Variants in PDCD11 observed in about 807,000 individuals in gnomAD.
PDCD11 encodes protein RRP5 homolog.
PDCD11 carries 97 observed loss-of-function variants against 198.9 expected under a neutral mutation model. That is an observed-to-expected ratio of 0.49 (90% CI 0.41 to 0.58). PDCD11 has a LOEUF of 0.58. PDCD11 is among the 20% of genes least tolerant of loss of function. The probability of loss-of-function intolerance (pLI) is 0.00; values close to 1 mark genes in which losing one functional copy is unlikely to be tolerated. For synonymous variants in PDCD11, 893 were observed against 918.0 expected, an observed-to-expected ratio of 0.97 and a Z score of 0.49; for missense variants, 2,102 against 2,312.7, an observed-to-expected ratio of 0.91 and a Z score of 1.87.
intron 34 of PDCD11, 173 bp from the exon 35 acceptor site, chr10:103,444,344 A>C: frequency 4.6e-6 from 3 of 657,782 alleles, no homozygotes; most frequent in Middle Eastern, 4.2e-4. Context: ...TGCAGTGCCC[A>C]TCTGTGTATT....
rs1395981163 is a variant in PDCD11 at position 103,429,863 on chromosome 10, G to C, written c.3369-2266G>C. Among the ~76,000 whole-genome samples the C allele has an allele frequency of 3.3e-5, 5 of 152,150 alleles. No individual in the cohort carries two copies. In the East Asian group the frequency reaches 9.6e-4, roughly 29 times the overall value. On this transcript the variant is annotated intron_variant, in intron 21 of 35. Transcript: ENST00000369797. ...CGTCTCAGTGAATTTGACTGTTCTA[G>C]GTACCTCACTCATATAAATGGAACA...
intron 19 of PDCD11, 67 bp downstream of exon 19, chr10:103,423,725 C>A: frequency 2.9e-6 from 3 of 1,047,974 alleles, no homozygotes; most frequent in Non-Finnish European, 4.4e-6. Context: ...CACTCCAGTT[C>A]AGGGATTCCA....
chr10:103,437,474 T>C (rs575370175), intron 25 of PDCD11, among the ~76,000 whole-genome samples: 3 of 150,688 alleles, frequency 2.0e-5, no homozygotes, highest in Non-Finnish European at 4.4e-5. Flanking sequence ...GAAGAGTAGG[T>C]AGTGTTATTT....
intron 30 of PDCD11, 41 bp downstream of exon 30, chr10:103,440,891 A>G (rs1350885570): frequency 1.4e-6 from 2 of 1,416,280 alleles, no homozygotes; most frequent in Non-Finnish European, 2.0e-6. Flanking sequence ...TGCTCCAGGC[A>G]AGGGAAGAGC....
chr10:103,428,450 A>ACT (rs10632602), intron 21 of PDCD11, among the ~76,000 whole-genome samples: 55,671 of 151,906 alleles, frequency 0.37, 10,593 homozygotes, highest in South Asian at 0.57. Context: ...CTATTTGTTA[A>ACT]CTGTGGTTTC....
chr10:103,407,823 A>G (rs968886412), intron 7 of PDCD11, among the ~76,000 whole-genome samples: 2 of 151,760 alleles, frequency 1.3e-5, no homozygotes, highest in Non-Finnish European at 2.9e-5. Context: ...GATTCAAGCG[A>G]TCCCCCTGCC....
At position 103,410,613 on chromosome 10, in the gene PDCD11, T is replaced by C. The variant is rs187459432; in HGVS notation, c.978+807T>C. Among the ~76,000 whole-genome samples the C allele has an allele frequency of 2.1e-4, 31 of 150,906 alleles. No individual in the cohort carries two copies. In the East Asian group the frequency reaches 5.5e-3, roughly 27 times the overall value. ...TTTCTTTTCTTTTCTTTTTTTTTTT[T>C]TTCTTTTTTTTTTAAGACAGTGTCT... is the stretch of plus-strand genomic sequence containing the variant. On this transcript the variant is annotated intron_variant, in intron 8 of 35. Transcript: ENST00000369797.
chr10:103,421,884 G>A (rs995739377), intron 17 of PDCD11, among the ~76,000 whole-genome samples: 11 of 149,150 alleles, frequency 7.4e-5, no homozygotes, highest in African/African-American at 2.5e-4. Context: ...GGAGAATGGC[G>A]TGAACCCGGG....
At position 103,421,601 on chromosome 10, in the gene PDCD11, G is replaced by A. The variant is rs1423111184; in HGVS notation, c.2497+34G>A. The A allele has an allele frequency of 2.7e-6, 4 of 1,461,378 alleles. No homozygotes were observed. The East Asian group carries it at 9.9e-5, about 36-fold the overall frequency. The allele number at this position is 1,461,378 out of a possible 1,614,324, so 90.5% of individuals were successfully genotyped here. ...CCTGTGGGGCAGGGGAGGTGGGCCA[G>A]GGGTGGGAGTATGTGTTGTAAATTA... On this transcript the variant is annotated intron_variant, in intron 17 of 35. Coordinates refer to ENST00000369797, the MANE Select transcript of PDCD11 (RefSeq NM_014976.2).
Position 103,420,818 on chromosome 10 carries a change from T to C in PDCD11, c.2278-530T>C, listed in dbSNP as rs1030861695. Among the ~76,000 whole-genome samples, 6 of 152,114 alleles carry C rather than the reference T, an allele frequency of 3.9e-5. No individual in the cohort carries two copies. In the East Asian group the frequency reaches 1.2e-3, roughly 29 times the overall value. On this transcript the variant is annotated intron_variant, in intron 16 of 35. Coordinates refer to ENST00000369797, the MANE Select transcript of PDCD11 (RefSeq NM_014976.2). ...CCTGGCTTGCTGTGAATGTGCCTTC[T>C]TGACTGGGTGCCCTCTCCTGGAGGC...
At position 103,421,528 on chromosome 10, in the gene PDCD11, G is replaced by A. The variant is rs768884885; in HGVS notation, c.2458G>A (p.Glu820Lys). Residue 820 changes from glutamate (E) to lysine (K), a missense_variant, in exon 17 of 36, where the codon GAG becomes AAG. Coordinates refer to ENST00000369797, the MANE Select transcript of PDCD11 (RefSeq NM_014976.2). ...TSLLLLNQCL[E>K]ELQGVRSLMS... The stretch of plus-strand genomic sequence containing the variant: ...CCTCCTCCTCCTGAATCAGTGCCTG[G>A]AGGAGCTGCAGGGCGTGCGCAGCCT... The A allele has an allele frequency of 1.4e-5, 22 of 1,577,644 alleles. No homozygotes were observed. The highest frequency in any genetic ancestry group is 1.8e-5 in the Non-Finnish European group (21 of 1,161,068).
Position 103,444,620 on chromosome 10 carries a change from C to G in PDCD11, c.5382C>G (p.Arg1794=), listed in dbSNP as rs747955298. ...ACACGCTGAGCACCTACCCAAAGCG[C>G]ACAGATGTCTGGTCGGTCTATATCG... The part of the protein sequence containing the change: ...FENTLSTYPK[R]TDVWSVYIDM... The change falls in exon 35 of 36, where the codon CGC becomes CGG. Residue 1794 remains arginine, a synonymous_variant. Transcript: ENST00000369797. The G allele has an allele frequency of 6.2e-7, 1 of 1,614,158 alleles. No homozygotes were observed. The highest frequency in any genetic ancestry group is 1.1e-5 in the South Asian group (1 of 91,078).
At position 103,440,733 on chromosome 10, in the gene PDCD11, G is replaced by A. The variant is rs1297875681; in HGVS notation, c.4441-1G>A. 1.2e-6 allele frequency: 2 copies of A among 1,614,050 alleles called. No individual in the cohort carries two copies. Among genetic ancestry groups the A allele is most frequent in the Non-Finnish European group, 1.7e-6 (2 of 1,180,028 alleles). Reference sequence around the variant, plus strand: ...AGGCATTCTCCCACCTGGCCTCTCAGGAAAGAGTGAGCAAGAAGCCAAAGA... The same window carrying A: ...AGGCATTCTCCCACCTGGCCTCTCAAGAAAGAGTGAGCAAGAAGCCAAAGA... On this transcript the variant is annotated splice_acceptor_variant, in intron 29 of 35. Transcript: ENST00000369797. LOFTEE classifies it high-confidence loss of function.
At chr10:103,414,952 G>C in intron 11 of PDCD11, 53 bp from the exon 12 acceptor site, 1 of 1,599,206 alleles carries the variant, frequency 6.3e-7, no homozygotes, top group Non-Finnish European at 8.6e-7. Flanking sequence ...TGTAAGAGGT[G>C]GGGGAAAGGC....
chr10:103,420,881 G>GT (rs567526972), intron 16 of PDCD11, among the ~76,000 whole-genome samples: 415 of 142,736 alleles, frequency 2.9e-3, no homozygotes, highest in South Asian at 0.013. Context: ...TTTTGTTTTT[G>GT]TTTTTTTTTT....
At chr10:103,431,038 G>A (rs551510124) in intron 21 of PDCD11, among the ~76,000 whole-genome samples, 1 of 151,986 alleles carries the variant, frequency 6.6e-6, no homozygotes, top group East Asian at 1.9e-4. Flanking sequence ...GACCTTAGGT[G>A]ATCCACCCGC....
chr10:103,425,719 G>A (rs146848476), intron 20 of PDCD11, among the ~76,000 whole-genome samples, 194 bp downstream of exon 20: 6,151 of 151,350 alleles, frequency 0.041, 184 homozygotes, highest in Non-Finnish European at 0.057. Context: ...TCACTCTGTT[G>A]CCCAGGCTGA....
chr10:103,418,551 A>G lies in PDCD11; in HGVS notation c.2023A>G (p.Asn675Asp), dbSNP rs781322150. ...ATCTCATCTGTCGGACCACGTTGCC[A>G]ACGGCCCATTGTTACATCATTGGCT... ...PTSHLSDHVA[N>D]GPLLHHWLQA... The change falls in exon 15 of 36, where the codon AAC becomes GAC. Residue 675 changes from asparagine (N) to aspartate (D), a missense_variant. Asn to Asp is a conservative substitution (Grantham distance 23, BLOSUM62 1). Transcript: ENST00000369797. 6 of 1,614,068 alleles carry G rather than the reference A, an allele frequency of 3.7e-6. No individual in the cohort carries two copies. Among genetic ancestry groups the G allele is most frequent in the African/African-American group, 1.3e-5 (1 of 74,928 alleles).
chr10:103,412,799 A>G (rs762937705), intron 8 of PDCD11, among the ~76,000 whole-genome samples: 9 of 152,158 alleles, frequency 5.9e-5, no homozygotes, highest in African/African-American at 1.7e-4. Context: ...GGGTTTCACT[A>G]TGTGCGCAGG....
Sources: allele counts gnomAD v4.1 joint callset (sites outside exome capture counted in the v4.1 genomes callset), GRCh38; gene constraint gnomAD v4.1.1; transcripts MANE v1.5; gene names NCBI Gene and HGNC (gene_info 2026-07-23, HGNC 2026-07-21).